EYS: variants seen among roughly 807,000 people sequenced by gnomAD.
EYS encodes the protein protein eyes shut homolog.
A neutral mutation model predicts 282.1 loss-of-function variants in EYS; 250 were observed. The observed-to-expected ratio is 0.89, with a 90% confidence interval of 0.80 to 0.98. The LOEUF (loss-of-function observed/expected upper bound fraction) is 0.98. EYS is among the 50% of genes least tolerant of loss of function. EYS has a pLI of 0.00. For synonymous variants in EYS, 1,355 were observed against 1,282.9 expected, an observed-to-expected ratio of 1.06 and a Z score of -1.20; for missense variants, 4,016 against 3,709.0, an observed-to-expected ratio of 1.08 and a Z score of -2.15.
chr6:64,386,449 A>C (rs1370846752), intron 29 of EYS, among the ~76,000 whole-genome samples: 4 of 152,090 alleles, frequency 2.6e-5, no homozygotes, highest in Non-Finnish European at 5.9e-5. Context: ...AAACCATCAC[A>C]TCTCCTGAGA....
chr6:65,125,768 C>T (rs1775701354), intron 12 of EYS, among the ~76,000 whole-genome samples: 2 of 152,074 alleles, frequency 1.3e-5, no homozygotes, highest in African/African-American at 4.8e-5. Context: ...CCCTCCTGGC[C>T]CCACCTCCTA....
chr6:65,545,994 T>A lies in EYS; in HGVS notation c.-332-50001A>T, dbSNP rs796374217. 7.2e-5 allele frequency among the ~76,000 whole-genome samples: 11 copies of A among 151,898 alleles called. No homozygotes were observed. In the South Asian group the frequency reaches 1.9e-3, roughly 26 times the overall value. Reference sequence around the variant, plus strand: ...CAAACCTTTTTAGATTTGTAAAAAATTTAATTAAAAAATATTTTAACTTTT... The same window carrying A: ...CAAACCTTTTTAGATTTGTAAAAAAATTAATTAAAAAATATTTTAACTTTT... On this transcript the variant is annotated intron_variant, in intron 2 of 42. Coordinates refer to ENST00000503581, the MANE Select transcript of EYS (RefSeq NM_001142800.2).
chr6:64,977,167 A>G (rs148827056), intron 14 of EYS, among the ~76,000 whole-genome samples: 394 of 152,144 alleles, frequency 2.6e-3, no homozygotes, highest in African/African-American at 7.7e-3. Context: ...TATTGGGATT[A>G]CAGGAATGAA....
In EYS at chr6:65,068,165, A is replaced by G. The variant is rs143375833; in HGVS notation, c.2024-10438T>C. Among the ~76,000 whole-genome samples, 935 of 152,224 alleles carry G rather than the reference A, an allele frequency of 6.1e-3. 12 individuals are homozygous for G. Among genetic ancestry groups the G allele is most frequent in the African/African-American group, 0.021 (878 of 41,556 alleles). On this transcript the variant is annotated intron_variant, in intron 12 of 42. Transcript: ENST00000503581. The stretch of plus-strand genomic sequence containing the variant: ...GAGATTTTTCAAACCTATTTCTGTC[A>G]TCTTGGCTAATGCCAACATGCATTT...
chr6:65,289,614 C>A (rs1302825315), intron 12 of EYS, among the ~76,000 whole-genome samples: 4 of 151,010 alleles, frequency 2.6e-5, no homozygotes, highest in Non-Finnish European at 5.9e-5. Context: ...TTCCAAATAT[C>A]CAAGCACTAT....
chr6:65,699,213 T>G (rs1769567243), intron 1 of EYS, among the ~76,000 whole-genome samples: 1 of 152,210 alleles, frequency 6.6e-6, no homozygotes, highest in Admixed American at 6.5e-5. Context: ...ATTTTTACTA[T>G]GGCTAGATAT....
chr6:63,862,422 T>TTA (rs571621367), intron 36 of EYS, among the ~76,000 whole-genome samples: 9 of 149,802 alleles, frequency 6.0e-5, no homozygotes, highest in African/African-American at 9.8e-5. Context: ...AATCTTTTTT[T>TTA]AAAAAAAAAA....
intron 22 of EYS, among the ~76,000 whole-genome samples, chr6:64,754,637 A>G (rs1336989635): frequency 6.6e-6 from 1 of 152,158 alleles, no homozygotes; most frequent in Non-Finnish European, 1.5e-5. Context: ...GAATACACCA[A>G]AATTAAGTAG....
At chr6:64,151,137 C>A (rs2150294131) in intron 31 of EYS, among the ~76,000 whole-genome samples, 1 of 150,690 alleles carries the variant, frequency 6.6e-6, no homozygotes, top group East Asian at 2.0e-4. Flanking sequence ...ATACAAAGGT[C>A]TATAAGTAGG....
At chr6:64,831,781 T>C (rs899655986) in intron 19 of EYS, among the ~76,000 whole-genome samples, 22 of 151,970 alleles carry the variant, frequency 1.4e-4, no homozygotes, top group African/African-American at 5.3e-4. Flanking sequence ...AATTACTATG[T>C]CATTGTAAAA....
intron 22 of EYS, among the ~76,000 whole-genome samples, chr6:64,772,920 G>A (rs910982160): frequency 1.3e-5 from 2 of 151,734 alleles, no homozygotes; most frequent in African/African-American, 4.8e-5. Flanking sequence ...CATGGATATG[G>A]CATAGTTCAT....
intron 35 of EYS, among the ~76,000 whole-genome samples, chr6:63,901,761 A>G (rs1272199225): frequency 2.0e-5 from 3 of 152,216 alleles, no homozygotes; most frequent in African/African-American, 7.2e-5. Context: ...GATCTGAACT[A>G]TTTCAAATTT....
At chr6:64,631,792 G>A (rs1459458133) in intron 22 of EYS, 2 of 151,920 alleles carry the variant, frequency 1.3e-5, no homozygotes, top group Non-Finnish European at 2.9e-5. Context: ...AATAAGAAGG[G>A]TACAAAAACT....
At chr6:64,342,649 T>C (rs1166407921) in intron 29 of EYS, among the ~76,000 whole-genome samples, 1 of 152,050 alleles carries the variant, frequency 6.6e-6, no homozygotes, top group Non-Finnish European at 1.5e-5. Flanking sequence ...AGGAAGAAAC[T>C]GCATCAACTA....
intron 2 of EYS, among the ~76,000 whole-genome samples, chr6:65,583,061 T>C (rs1179599111): frequency 6.6e-6 from 1 of 152,078 alleles, no homozygotes; most frequent in Non-Finnish European, 1.5e-5. Flanking sequence ...AAAAGTTATT[T>C]TTAAATTTAA....
chr6:65,315,377 G>A (rs921426032), intron 11 of EYS, among the ~76,000 whole-genome samples: 1 of 152,098 alleles, frequency 6.6e-6, no homozygotes, highest in Non-Finnish European at 1.5e-5. Context: ...GAACATTGCT[G>A]TAAAACTATT....
chr6:64,290,575 C>A (rs1039981311), intron 30 of EYS, among the ~76,000 whole-genome samples: 1 of 151,814 alleles, frequency 6.6e-6, no homozygotes, highest in African/African-American at 2.4e-5. Context: ...CAGTCTAATG[C>A]TGGTGGTTAT....
At chr6:65,023,268 C>G (rs1772302736) in intron 13 of EYS, among the ~76,000 whole-genome samples, 3 of 151,888 alleles carry the variant, frequency 2.0e-5, no homozygotes. Flanking sequence ...CTTGGTTAGT[C>G]TCAGTTACCT....
chr6:65,413,770 T>C (rs141014380), intron 5 of EYS, among the ~76,000 whole-genome samples: 12 of 151,862 alleles, frequency 7.9e-5, no homozygotes, highest in African/African-American at 2.9e-4. Context: ...GCAGAAGAAT[T>C]GCTAGAACCC....
Sources: gnomAD v4.1 joint callset for allele counts (sites outside exome capture counted in the v4.1 genomes callset) on GRCh38, gnomAD v4.1.1 for gene constraint, MANE v1.5 for transcripts, NCBI Gene and HGNC (gene_info 2026-07-23, HGNC 2026-07-21) for gene names.